GPC5: variants seen among roughly 807,000 people sequenced by gnomAD.
GPC5 encodes glypican 5.
GPC5 carries 47 observed loss-of-function variants against 53.9 expected under a neutral mutation model. That is an observed-to-expected ratio of 0.87 (90% CI 0.69 to 1.11). The LOEUF (loss-of-function observed/expected upper bound fraction) is 1.11, where lower values mean the gene tolerates loss of function less well. Among genes scored for constraint, GPC5 ranks in the 50% most tolerant of loss-of-function variants. The probability of loss-of-function intolerance (pLI) is 0.00; values close to 1 mark genes in which losing one functional copy is unlikely to be tolerated. For missense variants in GPC5, 748 were observed against 713.1 expected, an observed-to-expected ratio of 1.05 and a Z score of -0.56; for synonymous variants, 286 against 263.3, an observed-to-expected ratio of 1.09 and a Z score of -0.84.
chr13:92,057,873 GT>G (rs1408354770), intron 6 of GPC5, among the ~76,000 whole-genome samples: 3 of 151,902 alleles, frequency 2.0e-5, no homozygotes, highest in Non-Finnish European at 2.9e-5. Context: ...AAAGCAGATT[GT>G]TTTATTGGGG....
intron 2 of GPC5, among the ~76,000 whole-genome samples, chr13:91,626,298 G>A (rs2033998940): frequency 6.6e-6 from 1 of 152,104 alleles, no homozygotes; most frequent in Non-Finnish European, 1.5e-5. Flanking sequence ...CTAAAATAGA[G>A]GCACTATTTA....
At chr13:91,550,864 C>T (rs1428490415) in intron 2 of GPC5, among the ~76,000 whole-genome samples, 2 of 152,048 alleles carry the variant, frequency 1.3e-5, no homozygotes, top group South Asian at 2.1e-4. Context: ...GGGAGTTCCC[C>T]TGCACAAGCA....
intron 7 of GPC5, among the ~76,000 whole-genome samples, chr13:92,301,094 A>G (rs1025858247): frequency 6.6e-6 from 1 of 152,252 alleles, no homozygotes; most frequent in Non-Finnish European, 1.5e-5. Context: ...AAAGAACATA[A>G]CATCAATGAA....
At chr13:92,450,149 T>C (rs1192743388) in intron 7 of GPC5, among the ~76,000 whole-genome samples, 1 of 152,040 alleles carries the variant, frequency 6.6e-6, no homozygotes, top group African/African-American at 2.4e-5. Flanking sequence ...GACTAAGAAC[T>C]TGGAACAAAA....
chr13:92,836,711 T>C (rs562511079), intron 7 of GPC5, among the ~76,000 whole-genome samples: 73 of 152,228 alleles, frequency 4.8e-4, no homozygotes, highest in Non-Finnish European at 7.5e-4. Flanking sequence ...TTTAATGATA[T>C]ATATGCCAAC....
In GPC5 at chr13:91,791,292, G is replaced by A. The variant is rs184279151; in HGVS notation, c.1280+34872G>A. Among the ~76,000 whole-genome samples, 685 of 152,252 alleles carry A rather than the reference G, an allele frequency of 4.5e-3. 4 individuals are homozygous for A. The highest frequency in any genetic ancestry group is 0.016 in the African/African-American group (660 of 41,554). On this transcript the variant is annotated intron_variant, in intron 5 of 7. Transcript: ENST00000377067. ...CAGGTGGAAGTCAGGAAGGAATGCC[G>A]AGGTAGAGCCAATGCTATAGGAATT... is the stretch of plus-strand genomic sequence containing the variant.
intron 6 of GPC5, among the ~76,000 whole-genome samples, chr13:92,131,830 G>A (rs1290902543): frequency 2.6e-5 from 4 of 151,744 alleles, no homozygotes; most frequent in South Asian, 4.2e-4. Context: ...ACTCTGTTAC[G>A]TGTAAATTAT....
At chr13:91,556,703 C>A (rs2030975712) in intron 2 of GPC5, among the ~76,000 whole-genome samples, 1 of 151,874 alleles carries the variant, frequency 6.6e-6, no homozygotes, top group Non-Finnish European at 1.5e-5. Context: ...ATTATTCTAA[C>A]TGAAGTAACT....
At chr13:92,550,104 T>C (rs1882261987) in intron 7 of GPC5, among the ~76,000 whole-genome samples, 1 of 151,972 alleles carries the variant, frequency 6.6e-6, no homozygotes, top group Non-Finnish European at 1.5e-5. Flanking sequence ...GTTTTAAATC[T>C]ATAGGTTGTG....
At chr13:92,163,966 G>A (rs2042009296) in intron 7 of GPC5, among the ~76,000 whole-genome samples, 1 of 152,104 alleles carries the variant, frequency 6.6e-6, no homozygotes, top group African/African-American at 2.4e-5. Context: ...GAGAAGTACA[G>A]AGCAAAGGTG....
intron 7 of GPC5, among the ~76,000 whole-genome samples, chr13:92,265,056 T>A (rs1461561018): frequency 6.6e-6 from 1 of 152,020 alleles, no homozygotes; most frequent in East Asian, 1.9e-4. Context: ...AGAGCCTACC[T>A]TTCTTGGAAA....
intron 7 of GPC5, among the ~76,000 whole-genome samples, chr13:92,364,907 T>G (rs1030979807): frequency 5.3e-5 from 8 of 151,828 alleles, no homozygotes; most frequent in African/African-American, 1.9e-4. Flanking sequence ...TGAGAATAAG[T>G]AATAAGAAAT....
At chr13:91,868,196 C>A (rs2039104869) in intron 5 of GPC5, among the ~76,000 whole-genome samples, 1 of 151,988 alleles carries the variant, frequency 6.6e-6, no homozygotes. Flanking sequence ...TTCACTGGGG[C>A]AAAAGAATTA....
chr13:92,749,567 GTGAT>G (rs1889327131), intron 7 of GPC5, among the ~76,000 whole-genome samples: 1 of 152,052 alleles, frequency 6.6e-6, no homozygotes, highest in Admixed American at 6.6e-5. Context: ...GACGATGGAG[GTGAT>G]TGATTCTGAC....
At chr13:91,744,544 A>G (rs1456352357) in intron 4 of GPC5, among the ~76,000 whole-genome samples, 1 of 152,186 alleles carries the variant, frequency 6.6e-6, no homozygotes, top group Non-Finnish European at 1.5e-5. Flanking sequence ...TATACCAGCC[A>G]TTAGTCAGAT....
intron 7 of GPC5, among the ~76,000 whole-genome samples, chr13:92,592,090 T>G (rs1368933985): frequency 6.6e-6 from 1 of 152,168 alleles, no homozygotes; most frequent in African/African-American, 2.4e-5. Context: ...CTATATCGAT[T>G]TATGAAAGAA....
chr13:91,911,117 A>G (rs1243427764), intron 6 of GPC5, among the ~76,000 whole-genome samples: 1 of 152,212 alleles, frequency 6.6e-6, no homozygotes, highest in Non-Finnish European at 1.5e-5. Context: ...TTCAGAGAAC[A>G]GAAGGCCATG....
chr13:91,805,944 T>A (rs924258714), intron 5 of GPC5, among the ~76,000 whole-genome samples: 3 of 152,030 alleles, frequency 2.0e-5, no homozygotes, highest in Admixed American at 2.0e-4. Flanking sequence ...ATTCGCCTTT[T>A]TAAAATATGT....
chr13:92,866,403 G>A lies in GPC5; in HGVS notation c.1683G>A (p.Leu561=), dbSNP rs1361512006. The part of the protein sequence containing the change: ...AVATESMTFT[L]ISVVMLLPGI... ...CGACTGAATCTATGACATTCACTCTGATAAGTGTGGTGATGTTACTTCCCG... is the reference window on the plus strand; with the variant it reads ...CGACTGAATCTATGACATTCACTCTAATAAGTGTGGTGATGTTACTTCCCG... Residue 561 remains leucine (L), a synonymous_variant, in exon 8 of 8, where the codon CTG becomes CTA. Coordinates refer to ENST00000377067, the MANE Select transcript of GPC5 (RefSeq NM_004466.6). 1.9e-6 allele frequency: 3 copies of A among 1,610,368 alleles called. No individual in the cohort carries two copies. The highest frequency in any genetic ancestry group is 8.5e-7 in the Non-Finnish European group (1 of 1,177,744).
Sources: allele counts gnomAD v4.1 joint callset (sites outside exome capture counted in the v4.1 genomes callset), GRCh38; gene constraint gnomAD v4.1.1; transcripts MANE v1.5; gene names NCBI Gene and HGNC (gene_info 2026-07-23, HGNC 2026-07-21).